SPON1: variants seen among roughly 807,000 people sequenced by gnomAD.
SPON1 encodes the protein spondin-1.
In SPON1, 52 loss-of-function variants were observed where a neutral mutation model predicts 111.7. The ratio of observed to expected loss-of-function variants is 0.47; its 90% CI spans 0.37 to 0.59. The LOEUF is 0.59. SPON1 is among the 20% of genes least tolerant of loss of function. SPON1 has a pLI of 0.00. For missense variants in SPON1, 957 were observed against 1,068.5 expected (o/e 0.90, Z 1.46); for synonymous variants, 410 against 395.8 (o/e 1.04, Z -0.43).
chr11:14,127,510 C>G (rs986662355), intron 5 of SPON1, among the ~76,000 whole-genome samples: 1 of 152,126 alleles, frequency 6.6e-6, no homozygotes, highest in Admixed American at 6.5e-5. Context: ...CCCTTCCTAT[C>G]CCTGGGTATG....
chr11:14,182,662 T>C (rs76679116), intron 6 of SPON1, among the ~76,000 whole-genome samples: 11,305 of 152,246 alleles, frequency 0.074, 548 homozygotes, highest in East Asian at 0.17. Flanking sequence ...CCATTCTGCA[T>C]GTAAAGCTTG....
intron 6 of SPON1, among the ~76,000 whole-genome samples, chr11:14,164,143 C>T (rs1554931667): frequency 6.6e-6 from 1 of 152,166 alleles, no homozygotes; most frequent in Non-Finnish European, 1.5e-5. Context: ...CCACCGTTAA[C>T]CGTTAAAGGT....
At chr11:14,006,592 G>C (rs374484512) in intron 2 of SPON1, among the ~76,000 whole-genome samples, 13 of 152,166 alleles carry the variant, frequency 8.5e-5, no homozygotes, top group Middle Eastern at 3.4e-3. Context: ...GTGGTGGACC[G>C]GTGGTCCATT....
intron 5 of SPON1, among the ~76,000 whole-genome samples, chr11:14,098,723 G>A (rs1472293294): frequency 6.6e-6 from 1 of 152,062 alleles, no homozygotes; most frequent in Non-Finnish European, 1.5e-5. Context: ...AGGGAGAAGA[G>A]GAGAGAGAGG....
chr11:14,185,392 G>A (rs554945066), intron 6 of SPON1, among the ~76,000 whole-genome samples: 1 of 152,018 alleles, frequency 6.6e-6, no homozygotes, highest in African/African-American at 2.4e-5. Context: ...GAATGTATGT[G>A]CCCCCCGCTC....
intron 6 of SPON1, among the ~76,000 whole-genome samples, chr11:14,224,960 A>G (rs1848721728): frequency 6.6e-6 from 1 of 152,192 alleles, no homozygotes; most frequent in Non-Finnish European, 1.5e-5. Flanking sequence ...AGGCTCTTGC[A>G]CTAATGTAAA....
At chr11:14,147,165 G>C (rs563650213) in intron 6 of SPON1, among the ~76,000 whole-genome samples, 1 of 151,252 alleles carries the variant, frequency 6.6e-6, no homozygotes, top group Admixed American at 6.6e-5. Context: ...GAGTAGCCGG[G>C]ACTATAGGCA....
intron 2 of SPON1, among the ~76,000 whole-genome samples, chr11:13,986,720 G>A (rs916848899): frequency 2.7e-5 from 4 of 149,906 alleles, no homozygotes; most frequent in Non-Finnish European, 4.4e-5. Flanking sequence ...CCTAGCCCCC[G>A]ACCCCCCGAC....
chr11:14,093,758 A>T (rs1849077266), intron 5 of SPON1, among the ~76,000 whole-genome samples: 1 of 152,246 alleles, frequency 6.6e-6, no homozygotes, highest in African/African-American at 2.4e-5. Context: ...TCATCTATGT[A>T]CAGAGTATGT....
At chr11:14,027,133 A>G (rs1422477973) in intron 2 of SPON1, among the ~76,000 whole-genome samples, 1 of 152,158 alleles carries the variant, frequency 6.6e-6, no homozygotes, top group African/African-American at 2.4e-5. Flanking sequence ...GCCGGGAGGC[A>G]CTGGCGTTGT....
intron 2 of SPON1, among the ~76,000 whole-genome samples, chr11:13,984,967 CTT>C (rs1216731862): frequency 6.6e-6 from 1 of 152,240 alleles, no homozygotes; most frequent in Non-Finnish European, 1.5e-5. Flanking sequence ...GACATCCTCT[CTT>C]GTTACACAGC....
chr11:13,975,686 C>T (rs1311944498), intron 1 of SPON1, among the ~76,000 whole-genome samples: 1 of 152,128 alleles, frequency 6.6e-6, no homozygotes, highest in Admixed American at 6.5e-5. Context: ...ATTATAAGGA[C>T]TTACCCAAAT....
At position 14,006,622 on chromosome 11, in the gene SPON1, C is replaced by T. The variant is rs149136734; in HGVS notation, c.345+23669C>T. Among the ~76,000 whole-genome samples, 853 of 152,292 alleles carry T rather than the reference C, an allele frequency of 5.6e-3. 7 individuals are homozygous for T. The highest frequency in any genetic ancestry group is 0.031 in the South Asian group (149 of 4,820). ...TCCATTGAACCCTCTGCTGTCTCCT[C>T]ATCCCACCACTGCCCTCTCCTCTCT... is the stretch of plus-strand genomic sequence containing the variant. On this transcript the variant is annotated intron_variant, in intron 2 of 15. Transcript: ENST00000576479.
At chr11:14,196,886 C>T (rs1848408388) in intron 6 of SPON1, among the ~76,000 whole-genome samples, 1 of 152,244 alleles carries the variant, frequency 6.6e-6, no homozygotes, top group Non-Finnish European at 1.5e-5. Flanking sequence ...TCTGTCTCTA[C>T]TAAAAATACA....
At chr11:14,255,225 C>T (rs983782802) in intron 8 of SPON1, among the ~76,000 whole-genome samples, 2 of 152,192 alleles carry the variant, frequency 1.3e-5, no homozygotes, top group African/African-American at 2.4e-5. Context: ...ATATTATCTG[C>T]GGCTGTTTTC....
intron 5 of SPON1, among the ~76,000 whole-genome samples, chr11:14,085,654 A>T (rs1413564412): frequency 6.6e-6 from 1 of 152,086 alleles, no homozygotes; most frequent in African/African-American, 2.4e-5. Context: ...TCCATACGAA[A>T]TTTAAAGTAG....
At chr11:14,235,678 C>CAAAAAAAAAAAA (rs56925967) in intron 6 of SPON1, among the ~76,000 whole-genome samples, 19 of 71,384 alleles carry the variant, frequency 2.7e-4, no homozygotes, top group East Asian at 9.4e-4. Flanking sequence ...GACCCTGCCT[C>CAAAAAAAAAAAA]AAAAAAAAAA....
At chr11:14,139,777 G>A (rs1241526006) in intron 6 of SPON1, among the ~76,000 whole-genome samples, 2 of 151,684 alleles carry the variant, frequency 1.3e-5, no homozygotes, top group African/African-American at 4.9e-5. Context: ...AGGATTAGGA[G>A]TAGGGAGGGG....
At chr11:14,051,010 CAA>C (rs1373368509) in intron 3 of SPON1, among the ~76,000 whole-genome samples, 2 of 152,188 alleles carry the variant, frequency 1.3e-5, no homozygotes, top group African/African-American at 4.8e-5. Flanking sequence ...CAGAGATGGT[CAA>C]GTCTGTACAG....
Sources: gnomAD v4.1 joint callset for allele counts (sites outside exome capture counted in the v4.1 genomes callset) on GRCh38, gnomAD v4.1.1 for gene constraint, MANE v1.5 for transcripts, NCBI Gene and HGNC (gene_info 2026-07-23, HGNC 2026-07-21) for gene names.